The following FILIP1L variants were observed in gnomAD, a reference collection of about 807,000 sequenced individuals.
FILIP1L encodes filamin A-interacting protein 1-like.
FILIP1L carries 55 observed loss-of-function variants against 96.6 expected under a neutral mutation model. That is an observed-to-expected ratio of 0.57 (90% CI 0.46 to 0.71). The LOEUF (loss-of-function observed/expected upper bound fraction) is 0.71, where lower values mean the gene tolerates loss of function less well. Ranked by LOEUF, FILIP1L falls within the 30% of genes least tolerant of loss-of-function variation. The pLI is 0.00. For missense variants in FILIP1L, 1,304 were observed against 1,321.2 expected (o/e 0.99, Z 0.20); for synonymous variants, 467 against 473.9 (o/e 0.99, Z 0.19).
chr3:100,067,354 C>T (rs1469415680), intron 1 of FILIP1L, among the ~76,000 whole-genome samples: 1 of 152,112 alleles, frequency 6.6e-6, no homozygotes, highest in Non-Finnish European at 1.5e-5. Context: ...GAGACTCATA[C>T]CTTGGAAAGC....
At chr3:100,006,585 G>A (rs191777604) in intron 1 of FILIP1L, among the ~76,000 whole-genome samples, 6 of 149,588 alleles carry the variant, frequency 4.0e-5, no homozygotes, top group African/African-American at 1.5e-4. Flanking sequence ...TACCCTTTTT[G>A]TTTAGTACTG....
At chr3:100,076,112 T>G (rs375532735) in intron 1 of FILIP1L, among the ~76,000 whole-genome samples, 2 of 152,228 alleles carry the variant, frequency 1.3e-5, no homozygotes, top group African/African-American at 4.8e-5. Flanking sequence ...ATCTGCCATA[T>G]GTATAATTAA....
rs1393788444 is a variant in FILIP1L at position 100,061,484 on chromosome 3, C to T, written c.-11+52569G>A. Among the ~76,000 whole-genome samples the T allele has an allele frequency of 7.9e-5, 12 of 152,336 alleles. No individual in the cohort carries two copies. In the South Asian group the frequency reaches 2.3e-3, roughly 29 times the overall value. Reference sequence around the variant, plus strand: ...TTTACTTTCTTTCTCCTCCTACCCACATTTTCACTATTTTATTTCTTATTA... The same window carrying T: ...TTTACTTTCTTTCTCCTCCTACCCATATTTTCACTATTTTATTTCTTATTA... On this transcript the variant is annotated intron_variant, in intron 1 of 5. Transcript: ENST00000477258.
chr3:100,032,250 C>A (rs1163689253), intron 1 of FILIP1L, among the ~76,000 whole-genome samples: 1 of 152,146 alleles, frequency 6.6e-6, no homozygotes, highest in Admixed American at 6.6e-5. Flanking sequence ...CAGATGGATG[C>A]GTTGGCCCTT....
chr3:100,102,304 A>G (rs1576063414), intron 1 of FILIP1L, among the ~76,000 whole-genome samples: 2 of 151,924 alleles, frequency 1.3e-5, no homozygotes, highest in South Asian at 4.2e-4. Flanking sequence ...CTTTTTAATG[A>G]TCGCCATTCT....
At position 100,030,301 on chromosome 3, in the gene FILIP1L, A is replaced by G. The variant is rs562691552; in HGVS notation, c.-11+83752T>C. 4.6e-5 allele frequency among the ~76,000 whole-genome samples: 7 copies of G among 152,290 alleles called. No individual in the cohort carries two copies. The South Asian group carries it at 1.2e-3, about 27-fold the overall frequency. On this transcript the variant is annotated intron_variant, in intron 1 of 5. Transcript: ENST00000477258. The stretch of plus-strand genomic sequence containing the variant: ...GGATGAGAAAGGGATCTATGCCACC[A>G]GAAGTCAGTGATCAGGCCAAAACTA...
chr3:100,097,870 A>T (rs1005835844), intron 1 of FILIP1L, among the ~76,000 whole-genome samples: 2 of 152,168 alleles, frequency 1.3e-5, no homozygotes, highest in African/African-American at 4.8e-5. Context: ...GCTTTGTTGC[A>T]CTTTTTCTGA....
intron 1 of FILIP1L, among the ~76,000 whole-genome samples, chr3:100,054,136 A>G (rs977842674): frequency 6.6e-6 from 1 of 152,188 alleles, no homozygotes; most frequent in African/African-American, 2.4e-5. Flanking sequence ...TCAAGATAGC[A>G]TGTAGTGTTT....
At chr3:100,083,553 G>C (rs996750825) in intron 1 of FILIP1L, among the ~76,000 whole-genome samples, 2 of 152,168 alleles carry the variant, frequency 1.3e-5, no homozygotes, top group Admixed American at 1.3e-4. Context: ...TCTTGTCTCT[G>C]ATGCCATGAA....
At chr3:100,051,985 T>C (rs1472492691) in intron 1 of FILIP1L, among the ~76,000 whole-genome samples, 1 of 150,496 alleles carries the variant, frequency 6.6e-6, no homozygotes, top group East Asian at 1.9e-4. Flanking sequence ...TAAATATAAA[T>C]GTGATAAATA....
At chr3:99,993,066 G>A (rs1235131075) in intron 1 of FILIP1L, among the ~76,000 whole-genome samples, 3 of 151,784 alleles carry the variant, frequency 2.0e-5, no homozygotes, top group Non-Finnish European at 4.4e-5. Flanking sequence ...GGTTGCTATA[G>A]TCTTGTATAA....
intron 1 of FILIP1L, among the ~76,000 whole-genome samples, chr3:100,084,077 C>A (rs1184608578): frequency 2.0e-5 from 3 of 152,134 alleles, no homozygotes; most frequent in African/African-American, 7.2e-5. Context: ...TACCCCCATG[C>A]CAGCAGAAAG....
chr3:99,928,580 A>C (rs1171502914), intron 3 of FILIP1L, among the ~76,000 whole-genome samples: 1 of 152,216 alleles, frequency 6.6e-6, no homozygotes, highest in Non-Finnish European at 1.5e-5. Flanking sequence ...GCATGTGCAC[A>C]ATAGAATTAT....
At chr3:99,989,902 A>G (rs1709462990) in intron 1 of FILIP1L, among the ~76,000 whole-genome samples, 1 of 152,128 alleles carries the variant, frequency 6.6e-6, no homozygotes, top group Admixed American at 6.5e-5. Flanking sequence ...TTAAAACTGG[A>G]GTAGTTATTT....
chr3:99,833,276 A>G, intron 5 of FILIP1L: 12 of 1,603,498 alleles, frequency 7.5e-6, no homozygotes, highest in Non-Finnish European at 1.0e-5. Flanking sequence ...GGAGCAGTAG[A>G]AAGAAGAGGA....
intron 1 of FILIP1L, among the ~76,000 whole-genome samples, chr3:100,073,758 C>A (rs542175549): frequency 1.3e-5 from 2 of 152,118 alleles, no homozygotes; most frequent in South Asian, 2.1e-4. Flanking sequence ...GGGTGTGTGC[C>A]GGGCAAGATC....
At chr3:100,003,788 A>C (rs557515999) in intron 1 of FILIP1L, among the ~76,000 whole-genome samples, 4 of 152,310 alleles carry the variant, frequency 2.6e-5, no homozygotes, top group African/African-American at 9.6e-5. Context: ...AGACATATGT[A>C]TATTTATTGA....
intron 5 of FILIP1L, among the ~76,000 whole-genome samples, chr3:99,832,652 G>T (rs1315973099): frequency 6.8e-6 from 1 of 147,386 alleles, no homozygotes; most frequent in African/African-American, 2.5e-5. Context: ...AGACCAGCCT[G>T]GCCAACACGG....
intron 5 of FILIP1L, among the ~76,000 whole-genome samples, chr3:99,845,135 A>G (rs972565447): frequency 9.9e-5 from 15 of 152,180 alleles, no homozygotes; most frequent in African/African-American, 2.7e-4. Flanking sequence ...TGATTGAACA[A>G]GTATCAAGAT....
Sources: allele counts gnomAD v4.1 joint callset (sites outside exome capture counted in the v4.1 genomes callset), GRCh38; gene constraint gnomAD v4.1.1; transcripts MANE v1.5; gene names NCBI Gene and HGNC (gene_info 2026-07-23, HGNC 2026-07-21).